TNPO3: variants seen among roughly 807,000 people sequenced by gnomAD.
The protein encoded by TNPO3 is transportin 3, also known as transportin-3.
Under a neutral mutation model 122.8 loss-of-function variants are expected in TNPO3, and 65 were observed. That is an observed-to-expected ratio of 0.53 (90% CI 0.43 to 0.65). The LOEUF (loss-of-function observed/expected upper bound fraction) is 0.65, where lower values mean the gene tolerates loss of function less well. Among genes scored for constraint, TNPO3 ranks in the 30% least tolerant of loss-of-function variants. TNPO3 has a pLI of 0.00. For missense variants in TNPO3, 850 were observed against 1,136.7 expected (o/e 0.75, Z 3.63); for synonymous variants, 372 against 411.2 (o/e 0.90, Z 1.15).
At chr7:129,001,029 C>T (rs1228474322) in intron 6 of TNPO3, 30 bp downstream of exon 6, 5 of 1,606,204 alleles carry the variant, frequency 3.1e-6, no homozygotes, top group Non-Finnish European at 2.6e-6. Context: ...GTAGGTAAAC[C>T]CAGGGCTCCA....
At chr7:129,015,448 A>G (rs749429380) in intron 3 of TNPO3, among the ~76,000 whole-genome samples, 1 of 152,260 alleles carries the variant, frequency 6.6e-6, no homozygotes, top group Admixed American at 6.5e-5. Flanking sequence ...ATATATAGGT[A>G]TATGTACATT....
chr7:129,030,946 T>TAAC (rs909784156), intron 1 of TNPO3, among the ~76,000 whole-genome samples: 6 of 152,004 alleles, frequency 3.9e-5, no homozygotes, highest in South Asian at 4.1e-4. Context: ...ATTTCAAAAT[T>TAAC]AACAACAACA....
chr7:129,043,089 C>T (rs767926572), intron 1 of TNPO3, among the ~76,000 whole-genome samples: 2 of 151,946 alleles, frequency 1.3e-5, no homozygotes, highest in South Asian at 2.1e-4. Flanking sequence ...GAAAGATATT[C>T]GTAGCTAAAA....
chr7:128,987,042 A>T, intron 11 of TNPO3, 122 bp from the exon 12 acceptor site: 1 of 979,168 alleles, frequency 1.0e-6, no homozygotes, highest in Non-Finnish European at 1.5e-6. Flanking sequence ...TAAAAAGTGA[A>T]ATGTGTTCAG....
intron 12 of TNPO3, among the ~76,000 whole-genome samples, chr7:128,985,754 CTG>C (rs1800075361): frequency 6.6e-6 from 1 of 152,140 alleles, no homozygotes; most frequent in South Asian, 2.1e-4. Context: ...TCTGATTTAT[CTG>C]TGCCTATGAA....
chr7:129,001,535 C>G (rs895739599), intron 5 of TNPO3, among the ~76,000 whole-genome samples: 1 of 152,146 alleles, frequency 6.6e-6, no homozygotes, highest in African/African-American at 2.4e-5. Flanking sequence ...GCATCTGCAT[C>G]TCTTGGAAAC....
chr7:128,993,332 A>G (rs1800953310), intron 9 of TNPO3, among the ~76,000 whole-genome samples: 1 of 152,226 alleles, frequency 6.6e-6, no homozygotes, highest in Admixed American at 6.5e-5. Flanking sequence ...CCCCTGGACT[A>G]TGAATCTTCT....
In TNPO3 at chr7:128,984,252, T is replaced by C. The variant is rs1026757745; in HGVS notation, c.1698A>G (p.Ala566=). The C allele has an allele frequency of 1.2e-6, 2 of 1,609,436 alleles. No homozygotes were observed. The highest frequency in any genetic ancestry group is 8.5e-7 in the Non-Finnish European group (1 of 1,177,882). The change falls in exon 13 of 23, where the codon GCA becomes GCG. Residue 566 remains alanine, a synonymous_variant. Coordinates refer to ENST00000265388, the MANE Select transcript of TNPO3 (RefSeq NM_012470.4). ...CCAAAGGTAATCGGGCTAGGACAAG[T>C]GCTGTCCCTGAAAAACAAAGGAAGA... is the stretch of plus-strand genomic sequence containing the variant. ...EAAVGLLKGT[A]LVLARLPLDK...
chr7:128,969,730 G>C (rs879849694), intron 20 of TNPO3, among the ~76,000 whole-genome samples: 1 of 152,186 alleles, frequency 6.6e-6, no homozygotes, highest in Non-Finnish European at 1.5e-5. Flanking sequence ...ACAATTATGT[G>C]CTTCCAAATG....
intron 1 of TNPO3, among the ~76,000 whole-genome samples, chr7:129,044,919 T>C (rs994937572): frequency 1.3e-5 from 2 of 152,232 alleles, no homozygotes; most frequent in East Asian, 1.9e-4. Context: ...CCCATGTTCA[T>C]AGCAGCATTA....
intron 1 of TNPO3, among the ~76,000 whole-genome samples, chr7:129,027,562 A>AAAAAAAAAAAAAAAAC (rs1805356899): frequency 1.2e-5 from 1 of 81,786 alleles, no homozygotes; most frequent in Non-Finnish European, 2.8e-5. Context: ...CTGTCTCAAA[A>AAAAAAAAAAAAAAAAC]AAAAAAAAAA....
chr7:128,975,959 T>G, intron 16 of TNPO3, 24 bp from the exon 17 acceptor site: 1 of 1,506,488 alleles, frequency 6.6e-7, no homozygotes, highest in Non-Finnish European at 9.2e-7. Flanking sequence ...AAACAATTAG[T>G]TCAATGCTTC....
At chr7:128,993,730 A>C (rs1285910399) in intron 9 of TNPO3, 77 bp downstream of exon 9, 4 of 1,253,220 alleles carry the variant, frequency 3.2e-6, no homozygotes, top group Admixed American at 2.3e-5. Context: ...AATAAGATGG[A>C]ACATTCACAG....
At chr7:129,021,639 G>A (rs571356509) in intron 1 of TNPO3, among the ~76,000 whole-genome samples, 26 of 152,200 alleles carry the variant, frequency 1.7e-4, no homozygotes, top group Non-Finnish European at 3.2e-4. Flanking sequence ...AAGCAACTGA[G>A]GTCAAATGTC....
At chr7:128,977,887 C>CA (rs894273315) in intron 16 of TNPO3, among the ~76,000 whole-genome samples, 1 of 152,200 alleles carries the variant, frequency 6.6e-6, no homozygotes, top group African/African-American at 2.4e-5. Context: ...TGAGGCACTG[C>CA]ACCTGGCCAG....
chr7:129,042,952 T>C (rs1807572772), intron 1 of TNPO3, among the ~76,000 whole-genome samples: 1 of 151,790 alleles, frequency 6.6e-6, no homozygotes, highest in African/African-American at 2.4e-5. Context: ...TGGGTATACA[T>C]AAATACATTT....
chr7:129,005,185 G>C, intron 4 of TNPO3, 26 bp from the exon 5 acceptor site: 1 of 1,587,856 alleles, frequency 6.3e-7, no homozygotes, highest in Non-Finnish European at 8.6e-7. Context: ...AACTTAAAAT[G>C]AATAATGTTA....
intron 16 of TNPO3, among the ~76,000 whole-genome samples, chr7:128,978,007 C>T (rs1278239535): frequency 6.6e-6 from 1 of 152,166 alleles, no homozygotes; most frequent in African/African-American, 2.4e-5. Flanking sequence ...TGACTCTAGC[C>T]TGGAGCTCTG....
Position 129,007,966 on chromosome 7 carries a change from T to C in TNPO3, c.553-2807A>G, listed in dbSNP as rs149791838. Among the ~76,000 whole-genome samples the C allele has an allele frequency of 7.0e-3, 1,063 of 151,516 alleles. 11 individuals are homozygous for C. The highest frequency in any genetic ancestry group is 0.025 in the African/African-American group (1,017 of 41,272). ...GAGTTTGAGACCAGCCTAACCAACA[T>C]GGTGAAACCCCGTCTCTACTAAAAA... On this transcript the variant is annotated intron_variant, in intron 4 of 22. Transcript: ENST00000265388.
Sources: allele counts gnomAD v4.1 joint callset (sites outside exome capture counted in the v4.1 genomes callset), GRCh38; gene constraint gnomAD v4.1.1; transcripts MANE v1.5; gene names NCBI Gene and HGNC (gene_info 2026-07-23, HGNC 2026-07-21).